CD2AP: variants seen among roughly 807,000 people sequenced by gnomAD.
CD2AP encodes CD2-associated protein.
A neutral mutation model predicts 85.1 loss-of-function variants in CD2AP; 46 were observed. The observed-to-expected ratio is 0.54, with a 90% CI of 0.43 to 0.69. The LOEUF is 0.69. Ranked by LOEUF, CD2AP falls within the 30% of genes least tolerant of loss-of-function variation. The pLI, the probability that CD2AP is intolerant of heterozygous loss-of-function variation, is 0.00. For synonymous variants in CD2AP, 255 were observed against 252.9 expected (o/e 1.01, Z -0.08); for missense variants, 769 against 729.5 (o/e 1.05, Z -0.62).
intron 1 of CD2AP, among the ~76,000 whole-genome samples, chr6:47,483,198 A>G (rs1035298717): frequency 6.6e-6 from 1 of 152,240 alleles, no homozygotes; most frequent in Non-Finnish European, 1.5e-5. Flanking sequence ...GGACCAAATT[A>G]TCTCAGCAGT....
chr6:47,538,480 A>T (rs1282944667), intron 3 of CD2AP, among the ~76,000 whole-genome samples: 1 of 152,152 alleles, frequency 6.6e-6, no homozygotes, highest in Non-Finnish European at 1.5e-5. Context: ...TCCTGACCTC[A>T]GGTGATCCAC....
chr6:47,527,752 C>T (rs1015219542), intron 2 of CD2AP, among the ~76,000 whole-genome samples: 7 of 151,956 alleles, frequency 4.6e-5, no homozygotes, highest in Non-Finnish European at 1.0e-4. Context: ...TGTCCCCAAC[C>T]AGAGAAAGTA....
chr6:47,585,162 G>A (rs1207792877), intron 11 of CD2AP, among the ~76,000 whole-genome samples: 2 of 150,578 alleles, frequency 1.3e-5, no homozygotes, highest in Non-Finnish European at 3.0e-5. Context: ...AACCAGCTGG[G>A]TGTAGCGGCG....
At chr6:47,573,484 G>GTTTTTTTTT (rs765430650) in intron 5 of CD2AP, among the ~76,000 whole-genome samples, 1 of 94,692 alleles carries the variant, frequency 1.1e-5, no homozygotes, top group Non-Finnish European at 2.0e-5. Context: ...CATGCTGTGT[G>GTTTTTTTTT]TTTTTTTTTT....
intron 1 of CD2AP, among the ~76,000 whole-genome samples, chr6:47,502,202 T>TA (rs1329346065): frequency 6.6e-6 from 1 of 152,244 alleles, no homozygotes. Context: ...TAGGTTGGCT[T>TA]ACAGCATAGC....
intron 5 of CD2AP, among the ~76,000 whole-genome samples, chr6:47,562,125 G>A (rs548681924): frequency 2.0e-5 from 3 of 152,298 alleles, no homozygotes; most frequent in East Asian, 1.9e-4. Flanking sequence ...TCTAAACATC[G>A]CAAGCTACAA....
At position 47,609,123 on chromosome 6, in the gene CD2AP, C is replaced by T. The variant is rs1226148502; in HGVS notation, c.1633C>T (p.Pro545Ser). ...AGAAATTTTTTTTTTACGTTTTCAG[C>T]CATCTGTGTACCTTTCAACACCTTC... ...LKKDTCYSPK[P>S]SVYLSTPSSA... The change falls in exon 16 of 18, where the codon CCA (proline) becomes TCA (serine). Residue 545 changes from proline (P) to serine (S), a missense_variant and splice_region_variant. Transcript: ENST00000359314. The T allele has an allele frequency of 6.3e-7, 1 of 1,594,182 alleles. No homozygotes were observed. The highest frequency in any genetic ancestry group is 8.5e-7 in the Non-Finnish European group (1 of 1,171,662).
chr6:47,548,459 T>C (rs1330876110), intron 4 of CD2AP, among the ~76,000 whole-genome samples: 1 of 152,158 alleles, frequency 6.6e-6, no homozygotes, highest in Non-Finnish European at 1.5e-5. Flanking sequence ...CTAGAGGAGA[T>C]GGCTGAATTC....
intron 17 of CD2AP, among the ~76,000 whole-genome samples, chr6:47,613,504 A>G (rs1416177188): frequency 7.0e-6 from 1 of 143,306 alleles, no homozygotes; most frequent in East Asian, 2.0e-4. Context: ...TTTTAAAAAT[A>G]ATCCTTTTTT....
At chr6:47,574,385 G>A in intron 6 of CD2AP, 134 bp downstream of exon 6, 1 of 753,224 alleles carries the variant, frequency 1.3e-6, no homozygotes, top group Non-Finnish European at 2.2e-6. Context: ...TGAATGAGGA[G>A]GCTGTGAGAA....
intron 2 of CD2AP, among the ~76,000 whole-genome samples, chr6:47,520,050 G>T (rs1766544278): frequency 6.6e-6 from 1 of 151,876 alleles, no homozygotes; most frequent in Non-Finnish European, 1.5e-5. Flanking sequence ...CTTTTTTGTG[G>T]AACTAAAGTG....
At chr6:47,531,048 A>C (rs1471567302) in intron 2 of CD2AP, among the ~76,000 whole-genome samples, 1 of 152,156 alleles carries the variant, frequency 6.6e-6, no homozygotes, top group Admixed American at 6.5e-5. Flanking sequence ...CCAGGAGTTG[A>C]AGACCAGCCT....
intron 1 of CD2AP, among the ~76,000 whole-genome samples, chr6:47,486,869 T>C (rs1485954728): frequency 6.6e-6 from 1 of 152,210 alleles, no homozygotes; most frequent in Non-Finnish European, 1.5e-5. Flanking sequence ...ATTTGTAAAA[T>C]TGAGACTACA....
At chr6:47,576,503 T>C in intron 6 of CD2AP, 21 bp from the exon 7 acceptor site, 1 of 1,487,998 alleles carries the variant, frequency 6.7e-7, no homozygotes, top group Non-Finnish European at 9.4e-7. Context: ...AAATAGTTTA[T>C]GCCATTTTTT....
At chr6:47,589,720 G>C (rs930155250) in intron 11 of CD2AP, among the ~76,000 whole-genome samples, 1 of 151,960 alleles carries the variant, frequency 6.6e-6, no homozygotes, top group Non-Finnish European at 1.5e-5. Flanking sequence ...TGCCAATCTT[G>C]AAAGTGGTAG....
At chr6:47,516,549 T>G (rs1404158158) in intron 2 of CD2AP, among the ~76,000 whole-genome samples, 3 of 152,240 alleles carry the variant, frequency 2.0e-5, no homozygotes, top group Non-Finnish European at 4.4e-5. Flanking sequence ...ATGAAGGTCT[T>G]TTCATGATGT....
At chr6:47,586,451 G>C (rs1768633572) in intron 11 of CD2AP, among the ~76,000 whole-genome samples, 1 of 152,124 alleles carries the variant, frequency 6.6e-6, no homozygotes. Flanking sequence ...GTACCTAATG[G>C]AAAGGTGAGA....
At chr6:47,569,251 G>A (rs1446017244) in intron 5 of CD2AP, among the ~76,000 whole-genome samples, 1 of 152,188 alleles carries the variant, frequency 6.6e-6, no homozygotes, top group Non-Finnish European at 1.5e-5. Context: ...TGGAAACTCA[G>A]AAGAATGGTG....
chr6:47,607,858 A>T, intron 14 of CD2AP, 69 bp from the exon 15 acceptor site: 1 of 1,022,150 alleles, frequency 9.8e-7, no homozygotes. Flanking sequence ...TTGCTTTATT[A>T]TCCAAAGACT....
Sources: allele counts gnomAD v4.1 joint callset (sites outside exome capture counted in the v4.1 genomes callset), GRCh38; gene constraint gnomAD v4.1.1; transcripts MANE v1.5; gene names NCBI Gene and HGNC (gene_info 2026-07-23, HGNC 2026-07-21).